The following CHD7 variants were observed in gnomAD, a reference collection of about 807,000 sequenced individuals.
CHD7 encodes the protein ATP-dependent chromatin remodeler CHD7.
A neutral mutation model predicts 307.3 loss-of-function variants in CHD7; 24 were observed. The observed-to-expected ratio is 0.08, with a 90% CI of 0.06 to 0.11. The LOEUF is 0.11. CHD7 is among the 10% of genes least tolerant of loss of function. The pLI is 1.00. For missense variants in CHD7, 3,106 were observed against 3,727.1 expected (o/e 0.83, Z 4.34); for synonymous variants, 1,363 against 1,349.9 (o/e 1.01, Z -0.21).
At chr8:60,813,598 C>T (rs767610160) in intron 7 of CHD7, among the ~76,000 whole-genome samples, 8 of 152,048 alleles carry the variant, frequency 5.3e-5, no homozygotes, top group Non-Finnish European at 1.2e-4. Flanking sequence ...TTTAAAAAAT[C>T]CATTATGGGT....
intron 4 of CHD7, among the ~76,000 whole-genome samples, chr8:60,800,008 C>T (rs1228583509): frequency 6.6e-6 from 1 of 151,998 alleles, no homozygotes; most frequent in Non-Finnish European, 1.5e-5. Flanking sequence ...CATCCTTCCA[C>T]TCTGCGCCAT....
chr8:60,859,468 G>A (rs1367980623), intron 34 of CHD7, among the ~76,000 whole-genome samples: 1 of 152,196 alleles, frequency 6.6e-6, no homozygotes, highest in Non-Finnish European at 1.5e-5. Flanking sequence ...GCAGTGTTTA[G>A]GATGGGGTAG....
At chr8:60,846,256 A>G (rs555841659) in intron 23 of CHD7, among the ~76,000 whole-genome samples, 13 of 152,312 alleles carry the variant, frequency 8.5e-5, no homozygotes, top group Middle Eastern at 3.4e-3. Context: ...CAGTGGAGGG[A>G]AGACTGGGGA....
At chr8:60,725,969 T>C (rs1431642711) in intron 1 of CHD7, among the ~76,000 whole-genome samples, 1 of 152,168 alleles carries the variant, frequency 6.6e-6, no homozygotes, top group Non-Finnish European at 1.5e-5. Context: ...AGCAAATGTG[T>C]TCTGAGAAGT....
At chr8:60,836,640 A>G in intron 16 of CHD7, among the ~76,000 whole-genome samples, 177 bp from the exon 17 acceptor site, 1 of 152,224 alleles carries the variant, frequency 6.6e-6, no homozygotes, top group African/African-American at 2.4e-5. Context: ...ATCTTTGGTC[A>G]TTCAATCAAT....
intron 1 of CHD7, among the ~76,000 whole-genome samples, chr8:60,713,436 C>T (rs1445292935): frequency 6.6e-6 from 1 of 151,854 alleles, no homozygotes; most frequent in Non-Finnish European, 1.5e-5. Flanking sequence ...AATTGAAAGG[C>T]AGTACTATAT....
intron 37 of CHD7, chr8:60,864,775 A>G (rs1806164974): frequency 1.9e-6 from 1 of 521,202 alleles, no homozygotes; most frequent in South Asian, 2.3e-5. Context: ...TTATGGATGC[A>G]GCTAACTTGA....
At chr8:60,808,303 G>A (rs756698099) in intron 7 of CHD7, 31 bp downstream of exon 7, 4 of 1,279,450 alleles carry the variant, frequency 3.1e-6, no homozygotes, top group South Asian at 1.3e-5. Flanking sequence ...TTTTTAATGG[G>A]GGGCTATATT....
chr8:60,739,516 T>C (rs1409357516), intron 1 of CHD7, among the ~76,000 whole-genome samples: 1 of 152,220 alleles, frequency 6.6e-6, no homozygotes, highest in Non-Finnish European at 1.5e-5. Context: ...GCTTTCATGC[T>C]CACCTTATTT....
intron 3 of CHD7, among the ~76,000 whole-genome samples, chr8:60,783,191 G>A (rs567564769): frequency 6.6e-6 from 1 of 152,182 alleles, no homozygotes; most frequent in Non-Finnish European, 1.5e-5. Flanking sequence ...GTCTTTTTAA[G>A]TTCTGAATCT....
At chr8:60,737,825 C>A (rs1216600320) in intron 1 of CHD7, among the ~76,000 whole-genome samples, 3 of 152,112 alleles carry the variant, frequency 2.0e-5, no homozygotes, top group Non-Finnish European at 2.9e-5. Flanking sequence ...ATAACATAAG[C>A]CCTGAATCTT....
In CHD7 at chr8:60,845,274, G is replaced by A; in HGVS notation, c.5075G>A (p.Gly1692Glu). 6.2e-7 allele frequency: 1 copy of A among 1,613,146 alleles called. No individual in the cohort carries two copies. Residue 1692 changes from glycine (G) to glutamate (E), a missense_variant, in exon 23 of 38, where the codon GGA (glycine) becomes GAA (glutamate). Transcript: ENST00000423902. ...GGTTTGTCAGCTCCTGTGCCAAGGGGAAGGAAGGGAAAGAAGGTGAAAGCC... is the reference window on the plus strand; with the variant it reads ...GGTTTGTCAGCTCCTGTGCCAAGGGAAAGGAAGGGAAAGAAGGTGAAAGCC... ...HSGLSAPVPR[G>E]RKGKKVKAQS... is the part of the protein sequence containing the mutation.
At chr8:60,779,144 A>C (rs534666006) in intron 2 of CHD7, among the ~76,000 whole-genome samples, 1 of 152,314 alleles carries the variant, frequency 6.6e-6, no homozygotes, top group African/African-American at 2.4e-5. Flanking sequence ...TTTTGGAAGA[A>C]ACTTTGGAAA....
chr8:60,687,773 AG>A (rs1805984616), intron 1 of CHD7, among the ~76,000 whole-genome samples: 1 of 152,222 alleles, frequency 6.6e-6, no homozygotes, highest in Non-Finnish European at 1.5e-5. Flanking sequence ...CCCATTTTAC[AG>A]ATGAGGAGAC....
chr8:60,800,539 C>T lies in CHD7; in HGVS notation c.2376+14C>T. The T allele has an allele frequency of 6.3e-7, 1 of 1,591,776 alleles. No homozygotes were observed. On this transcript the variant is annotated intron_variant, in intron 5 of 37. Coordinates refer to ENST00000423902, the MANE Select transcript of CHD7 (RefSeq NM_017780.4). ...TCAGAACAGCAGGTTAGTACCAGAT[C>T]TGTGGGATTTATGGATGCATTTTAA...
At chr8:60,731,403 A>T (rs1452508383) in intron 1 of CHD7, among the ~76,000 whole-genome samples, 3 of 152,224 alleles carry the variant, frequency 2.0e-5, no homozygotes, top group Non-Finnish European at 4.4e-5. Context: ...CTTAGTTAAG[A>T]TGGAAAATAC....
chr8:60,827,718 A>C (rs6471903), intron 13 of CHD7, among the ~76,000 whole-genome samples: 1 of 151,592 alleles, frequency 6.6e-6, no homozygotes, highest in Non-Finnish European at 1.5e-5. Flanking sequence ...CAGATATGAC[A>C]TGGTAGATAT....
chr8:60,776,680 C>T (rs1810969958), intron 2 of CHD7, among the ~76,000 whole-genome samples: 1 of 152,164 alleles, frequency 6.6e-6, no homozygotes, highest in Non-Finnish European at 1.5e-5. Context: ...ATACCAAATG[C>T]ATCTTCTTTT....
chr8:60,824,090 A>G (rs1462412650), intron 13 of CHD7, 74 bp downstream of exon 13: 3 of 1,265,954 alleles, frequency 2.4e-6, no homozygotes, highest in Admixed American at 3.8e-5. Flanking sequence ...GTTGCTCAGA[A>G]TTTGATGCCT....
Sources: allele counts gnomAD v4.1 joint callset (sites outside exome capture counted in the v4.1 genomes callset), GRCh38; gene constraint gnomAD v4.1.1; transcripts MANE v1.5; gene names NCBI Gene and HGNC (gene_info 2026-07-23, HGNC 2026-07-21).